The following PTPRA variants were observed in gnomAD, a reference collection of about 807,000 sequenced individuals.
The protein encoded by PTPRA is receptor-type tyrosine-protein phosphatase alpha.
PTPRA carries 25 observed loss-of-function variants against 104.8 expected under a neutral mutation model. The ratio of observed to expected loss-of-function variants is 0.24; its 90% CI spans 0.17 to 0.33. The LOEUF is 0.33. Ranked by LOEUF, PTPRA falls within the 10% of genes least tolerant of loss-of-function variation. The pLI is 1.00. For synonymous variants in PTPRA, 323 were observed against 368.9 expected, an observed-to-expected ratio of 0.88 and a Z score of 1.43; for missense variants, 765 against 1,015.3, an observed-to-expected ratio of 0.75 and a Z score of 3.35.
intron 20 of PTPRA, among the ~76,000 whole-genome samples, chr20:3,033,057 T>C (rs2065587729): frequency 6.6e-6 from 1 of 151,966 alleles, no homozygotes; most frequent in Non-Finnish European, 1.5e-5. Context: ...CTCTAAAACA[T>C]TGGAGTATAC....
intron 3 of PTPRA, among the ~76,000 whole-genome samples, chr20:2,958,872 G>A (rs1030286807): frequency 6.6e-6 from 1 of 150,826 alleles, no homozygotes; most frequent in Non-Finnish European, 1.5e-5. Flanking sequence ...AAAAGAACAG[G>A]GACTGTTAGA....
intron 3 of PTPRA, among the ~76,000 whole-genome samples, chr20:2,963,765 G>T (rs1303321112): frequency 6.6e-6 from 1 of 152,146 alleles, no homozygotes; most frequent in African/African-American, 2.4e-5. Flanking sequence ...GGGACTAGGT[G>T]TGGGAGCTCA....
intron 20 of PTPRA, among the ~76,000 whole-genome samples, chr20:3,029,538 A>ATATTTTTTTTTT (rs1390310900): frequency 2.8e-5 from 1 of 35,638 alleles, no homozygotes; most frequent in Admixed American, 4.9e-4. Flanking sequence ...GGTCTTCATC[A>ATATTTTTTTTTT]TCTTTTTTTT....
At chr20:3,036,416 A>G (rs964786912) in intron 22 of PTPRA, among the ~76,000 whole-genome samples, 7 of 152,240 alleles carry the variant, frequency 4.6e-5, no homozygotes, top group Non-Finnish European at 1.0e-4. Context: ...ACAAGGCCCA[A>G]TATGTTCTGA....
intron 1 of PTPRA, among the ~76,000 whole-genome samples, chr20:2,902,590 A>G (rs1167525009): frequency 1.3e-5 from 2 of 152,326 alleles, no homozygotes; most frequent in East Asian, 3.9e-4. Context: ...AGGTCATCCT[A>G]GAGGAGGCTT....
At chr20:2,959,301 C>A (rs549988128) in intron 3 of PTPRA, among the ~76,000 whole-genome samples, 1 of 152,228 alleles carries the variant, frequency 6.6e-6, no homozygotes, top group African/African-American at 2.4e-5. Flanking sequence ...ATTGTTACTC[C>A]CACCAGTATT....
At chr20:2,977,809 A>G (rs1180272890) in intron 6 of PTPRA, among the ~76,000 whole-genome samples, 2 of 151,402 alleles carry the variant, frequency 1.3e-5, no homozygotes, top group Admixed American at 6.6e-5. Context: ...GTAAATATAT[A>G]TATGCATATG....
In PTPRA at chr20:3,035,844, G is replaced by A; in HGVS notation, c.2101G>A (p.Gly701Ser). 2 of 1,614,176 alleles carry A rather than the reference G, an allele frequency of 1.2e-6. No homozygotes were observed. Among genetic ancestry groups the A allele is most frequent in the Non-Finnish European group, 1.7e-6 (2 of 1,180,036 alleles). ...CCACTTCCATGGCTGGCCTGAAGTG[G>A]GCATCCCCAGTGACGGAAAGGGCAT... The part of the protein sequence containing the change: ...QFHFHGWPEV[G>S]IPSDGKGMIS... The change falls in exon 22 of 24, where the codon GGC becomes AGC. Residue 701 changes from glycine (G) to serine (S), a missense_variant. Physicochemically the swap from Gly to Ser is moderately conservative, Grantham distance 56. This residue lies in a region of PTPRA where 72 missense variants were observed against 140.7 expected (regional missense o/e 0.51). Transcript: ENST00000399903. This position sits in a 1 kb window ranked among gnomAD's most constrained non-coding sequence, Gnocchi z 5.8.
intron 1 of PTPRA, among the ~76,000 whole-genome samples, chr20:2,891,816 AC>A (rs1424312179): frequency 1.3e-5 from 2 of 152,088 alleles, no homozygotes; most frequent in African/African-American, 4.8e-5. Context: ...TTTGCATGTA[AC>A]CTATGCACAT....
Position 2,952,814 on chromosome 20 carries a change from C to T in PTPRA, c.-7+4790C>T, listed in dbSNP as rs879228854. ...AGTACTTCATATAAGTGGAGTCATA[C>T]AATATTTTCATTTTGTGACTGGCTT... On this transcript the variant is annotated intron_variant, in intron 3 of 23. Coordinates refer to ENST00000399903, the MANE Select transcript of PTPRA (RefSeq NM_001385305.1). 7.2e-5 allele frequency among the ~76,000 whole-genome samples: 11 copies of T among 152,160 alleles called. 1 individual carries two copies. Among genetic ancestry groups the T allele is most frequent in the Admixed American group, 5.9e-4 (9 of 15,260 alleles).
intron 1 of PTPRA, among the ~76,000 whole-genome samples, chr20:2,913,772 A>G (rs1183204029): frequency 1.3e-5 from 2 of 152,126 alleles, no homozygotes; most frequent in African/African-American, 4.8e-5. Context: ...TCTCTACCAT[A>G]CATTTAACTA....
At chr20:2,870,228 C>T (rs535187305), upstream of PTPRA, among the ~76,000 whole-genome samples, 15 of 150,520 alleles carry the variant, frequency 1.0e-4, no homozygotes, top group Non-Finnish European at 1.8e-4. Context: ...ATTAGCCAGG[C>T]GTGGTGGCGC....
chr20:3,015,815 T>C (rs762402888), intron 11 of PTPRA, 34 bp from the exon 12 acceptor site: 1 of 1,516,298 alleles, frequency 6.6e-7, no homozygotes, highest in Admixed American at 1.7e-5. Flanking sequence ...TTTTTGGTTT[T>C]CTCTTTCTTT....
Position 3,037,205 on chromosome 20 carries a change from G to A in PTPRA, c.2250G>A (p.Glu750=). ...GTFCALSTVL[E]RVKAEGILDV... The stretch of plus-strand genomic sequence containing the variant: ...TCTGTGCCCTGAGCACCGTCCTGGA[G>A]CGTGTGAAAGCAGAGGGGATTTTGG... The change falls in exon 23 of 24, where the codon GAG becomes GAA. Residue 750 remains glutamate, a synonymous_variant. Coordinates refer to ENST00000399903, the MANE Select transcript of PTPRA (RefSeq NM_001385305.1). The surrounding 1 kb of genome is among the most constrained non-coding windows in gnomAD (Gnocchi z 4.3). 1 of 1,614,258 alleles carries A rather than the reference G, an allele frequency of 6.2e-7. No homozygotes were observed. The highest frequency in any genetic ancestry group is 8.5e-7 in the Non-Finnish European group (1 of 1,180,052).
At chr20:2,971,337 G>A (rs1468474632) in intron 5 of PTPRA, among the ~76,000 whole-genome samples, 2 of 151,524 alleles carry the variant, frequency 1.3e-5, no homozygotes, top group Non-Finnish European at 2.9e-5. Context: ...TTCTGTTTTT[G>A]TAATTATAAA....
chr20:2,945,626 T>A (rs78496987), intron 2 of PTPRA, among the ~76,000 whole-genome samples: 2,378 of 151,554 alleles, frequency 0.016, 123 homozygotes, highest in Admixed American at 0.09. Flanking sequence ...TAAATAAATA[T>A]TTATTTATTT....
intron 13 of PTPRA, among the ~76,000 whole-genome samples, chr20:3,019,735 G>C (rs923565109): frequency 3.3e-5 from 5 of 152,194 alleles, no homozygotes; most frequent in Non-Finnish European, 2.9e-5. Context: ...CTGGGAGGTG[G>C]AGGTTGTAGC....
At chr20:2,934,860 C>T (rs968289820) in intron 2 of PTPRA, among the ~76,000 whole-genome samples, 5 of 151,776 alleles carry the variant, frequency 3.3e-5, no homozygotes, top group East Asian at 1.9e-4. Context: ...TTAGTCAAGA[C>T]GGTGTTTCGC....
In PTPRA at chr20:3,022,234, G is replaced by A; in HGVS notation, c.1328+14G>A. The A allele has an allele frequency of 6.2e-7, 1 of 1,613,388 alleles. No homozygotes were observed. The highest frequency in any genetic ancestry group is 2.2e-5 in the East Asian group (1 of 44,872). On this transcript the variant is annotated intron_variant, in intron 15 of 23. Transcript: ENST00000399903. The surrounding 1 kb of genome is among the most constrained non-coding windows in gnomAD (Gnocchi z 4.6). ...GGTCCACTGCAGGTCAGTGTGGCCTGACCCTTGTACCCCCACCCCCACATT... is the reference window on the plus strand; with the variant it reads ...GGTCCACTGCAGGTCAGTGTGGCCTAACCCTTGTACCCCCACCCCCACATT...
Sources: allele counts gnomAD v4.1 joint callset (sites outside exome capture counted in the v4.1 genomes callset), GRCh38; gene constraint gnomAD v4.1.1; regional missense constraint gnomAD v4.1.1; non-coding constraint Gnocchi (gnomAD v3.1); transcripts MANE v1.5; gene names NCBI Gene and HGNC (gene_info 2026-07-23, HGNC 2026-07-21).